The following UNC13C variants were observed in gnomAD, a reference collection of about 807,000 sequenced individuals.
UNC13C encodes the protein unc-13 homolog C, also known as protein unc-13 homolog C.
In UNC13C, 174 loss-of-function variants were observed where a neutral mutation model predicts 245.4. That is an observed-to-expected ratio of 0.71 (90% CI 0.63 to 0.80). The LOEUF (loss-of-function observed/expected upper bound fraction) is 0.80, where lower values mean the gene tolerates loss of function less well. UNC13C is among the 30% of genes least tolerant of loss of function. UNC13C has a pLI of 0.00. For synonymous variants in UNC13C, 992 were observed against 895.1 expected, an observed-to-expected ratio of 1.11 and a Z score of -1.93; for missense variants, 2,829 against 2,602.9, an observed-to-expected ratio of 1.09 and a Z score of -1.89.
At chr15:53,987,481 C>G (rs1312095566) in intron 1 of UNC13C, among the ~76,000 whole-genome samples, 5 of 151,982 alleles carry the variant, frequency 3.3e-5, no homozygotes, top group African/African-American at 1.2e-4. Context: ...AAGCCATCAT[C>G]CTACAGAAAG....
chr15:54,573,243 C>G (rs1404471636), intron 30 of UNC13C, among the ~76,000 whole-genome samples: 1 of 151,912 alleles, frequency 6.6e-6, no homozygotes, highest in African/African-American at 2.4e-5. Context: ...TACTCCTTTC[C>G]TCCTTCATTA....
chr15:54,378,283 T>A (rs2039649790), intron 17 of UNC13C, among the ~76,000 whole-genome samples: 1 of 152,208 alleles, frequency 6.6e-6, no homozygotes, highest in Admixed American at 6.5e-5. Flanking sequence ...GAGTTTGTTA[T>A]CTTTGTTCTA....
rs111406288 is a variant in UNC13C at position 54,381,366 on chromosome 15, T to C, written c.4714-11682T>C. Among the ~76,000 whole-genome samples the C allele has an allele frequency of 7.9e-3, 1,206 of 152,284 alleles. 11 individuals carry two copies. The highest frequency in any genetic ancestry group is 0.028 in the African/African-American group (1,152 of 41,566). ...GGTTACTATGGCTTTGTAGTATATTTTGAAGTCAGGTAGTGTGATGCCTCC... is the reference window on the plus strand; with the variant it reads ...GGTTACTATGGCTTTGTAGTATATTCTGAAGTCAGGTAGTGTGATGCCTCC... On this transcript the variant is annotated intron_variant, in intron 17 of 32. Transcript: ENST00000260323.
the UNC13C span, among the ~76,000 whole-genome samples, chr15:53,847,147 G>A: frequency 6.6e-6 from 1 of 152,124 alleles, no homozygotes; most frequent in Non-Finnish European, 1.5e-5. Context: ...CAGTTATAGG[G>A]ACTTTGTGCT....
rs116119278 is a variant in UNC13C at position 54,439,391 on chromosome 15, A to G, written c.4933+24324A>G. 7.8e-3 allele frequency among the ~76,000 whole-genome samples: 1,194 copies of G among 152,126 alleles called. 7 individuals carry two copies. Among genetic ancestry groups the G allele is most frequent in the African/African-American group, 0.027 (1,131 of 41,550 alleles). ...TTTACAGTAAAATATATAAAATAGG[A>G]TAAAATTCTCTTCTTCAAGGAAAAT... On this transcript the variant is annotated intron_variant, in intron 19 of 32. Coordinates refer to ENST00000260323, the MANE Select transcript of UNC13C (RefSeq NM_001080534.3).
intron 10 of UNC13C, among the ~76,000 whole-genome samples, chr15:54,273,966 A>G (rs1184709562): frequency 6.6e-6 from 1 of 152,022 alleles, no homozygotes; most frequent in Non-Finnish European, 1.5e-5. Flanking sequence ...CCGCCCCAAC[A>G]CTCTGTAGAT....
chr15:54,511,783 T>G lies in UNC13C; in HGVS notation c.5410T>G (p.Leu1804Val). The G allele has an allele frequency of 6.2e-7, 1 of 1,610,222 alleles. No homozygotes were observed. The highest frequency in any genetic ancestry group is 8.5e-7 in the Non-Finnish European group (1 of 1,178,200). Residue 1804 changes from leucine to valine, a missense_variant, in exon 24 of 33, where the codon TTG (leucine) becomes GTG (valine). By Grantham distance (32) the Leu-to-Val change is conservative (BLOSUM62 1). Coordinates refer to ENST00000260323, the MANE Select transcript of UNC13C (RefSeq NM_001080534.3). ...TATCTTGATGAACAATATTCAACAA[T>G]TGCGGGTCCAGCTGGAAAAAATGTT... is the stretch of plus-strand genomic sequence containing the variant. ...PCILMNNIQQ[L>V]RVQLEKMFES...
chr15:53,854,122 G>GTTTTTTTTGTT, the UNC13C span, among the ~76,000 whole-genome samples: 2 of 133,578 alleles, frequency 1.5e-5, no homozygotes, highest in South Asian at 2.3e-4. Flanking sequence ...GTTTTTATAG[G>GTTTTTTTTGTT]TTTTTTTTTT....
At chr15:54,234,196 C>T (rs917754782) in intron 4 of UNC13C, among the ~76,000 whole-genome samples, 13 of 150,910 alleles carry the variant, frequency 8.6e-5, no homozygotes, top group Non-Finnish European at 1.6e-4. Context: ...ATTTTATGTG[C>T]GTTCATAAAC....
chr15:54,313,248 C>T (rs929982600), intron 13 of UNC13C, among the ~76,000 whole-genome samples: 7 of 151,758 alleles, frequency 4.6e-5, no homozygotes, highest in East Asian at 1.9e-4. Context: ...TAAGTACTTC[C>T]GCCACATTTT....
the UNC13C span, among the ~76,000 whole-genome samples, chr15:53,897,382 G>A: frequency 6.6e-6 from 1 of 152,160 alleles, no homozygotes; most frequent in African/African-American, 2.4e-5. Flanking sequence ...ACTACTTGAT[G>A]CTTTGGGAAC....
intron 19 of UNC13C, among the ~76,000 whole-genome samples, chr15:54,457,098 A>G (rs1225127779): frequency 6.6e-6 from 1 of 152,046 alleles, no homozygotes; most frequent in Non-Finnish European, 1.5e-5. Context: ...GGGATGCTGG[A>G]TTTTATCAAA....
intron 13 of UNC13C, among the ~76,000 whole-genome samples, chr15:54,315,743 A>G (rs2037991862): frequency 1.3e-5 from 2 of 151,674 alleles, no homozygotes; most frequent in South Asian, 4.1e-4. Context: ...CCCCACCTTC[A>G]ATTTTTTTCA....
At chr15:54,181,637 A>C (rs551364345) in intron 4 of UNC13C, among the ~76,000 whole-genome samples, 2 of 152,208 alleles carry the variant, frequency 1.3e-5, no homozygotes, top group Admixed American at 1.3e-4. Context: ...TGCTTTGGGC[A>C]GTATGACCAC....
At chr15:54,306,266 G>A (rs1222227916) in intron 13 of UNC13C, among the ~76,000 whole-genome samples, 1 of 152,008 alleles carries the variant, frequency 6.6e-6, no homozygotes, top group African/African-American at 2.4e-5. Flanking sequence ...GCATGCGTCA[G>A]TAGGAGAGGG....
intron 4 of UNC13C, among the ~76,000 whole-genome samples, chr15:54,233,038 GA>G (rs895780144): frequency 2.0e-5 from 3 of 151,968 alleles, no homozygotes; most frequent in Non-Finnish European, 2.9e-5. Context: ...TGGGGCTTAA[GA>G]AAAAAAGTTT....
intron 18 of UNC13C, among the ~76,000 whole-genome samples, chr15:54,406,982 G>A (rs1354248387): frequency 6.6e-6 from 1 of 152,096 alleles, no homozygotes; most frequent in Non-Finnish European, 1.5e-5. Context: ...AATAATAGGG[G>A]TAGCTAGATT....
chr15:53,957,154 T>TG, the UNC13C span, among the ~76,000 whole-genome samples: 48,625 of 151,716 alleles, frequency 0.32, 7,830 homozygotes, highest in Middle Eastern at 0.33. Context: ...TTTGTTTGTT[T>TG]TTTTTGAGAC....
intron 17 of UNC13C, among the ~76,000 whole-genome samples, chr15:54,343,033 T>C (rs532305903): frequency 2.7e-4 from 41 of 152,314 alleles, no homozygotes; most frequent in Non-Finnish European, 8.8e-5. Context: ...CTTCCTCCCA[T>C]AGGGCTCTTT....
Sources: gnomAD v4.1 joint callset for allele counts (sites outside exome capture counted in the v4.1 genomes callset) on GRCh38, gnomAD v4.1.1 for gene constraint, MANE v1.5 for transcripts, NCBI Gene and HGNC (gene_info 2026-07-23, HGNC 2026-07-21) for gene names.